The following XG variants were observed in gnomAD, a reference collection of about 807,000 sequenced individuals.
XG encodes Xg glycoprotein (Xg blood group).
A neutral mutation model predicts 25.7 loss-of-function variants in XG; 24 were observed. The observed-to-expected ratio is 0.93, with a 90% CI of 0.68 to 1.31. The LOEUF is 1.31. Among genes scored for constraint, XG ranks in the 40% most tolerant of loss-of-function variants. The pLI is 0.00. For missense variants in XG, 181 were observed against 187.6 expected (o/e 0.96, Z 0.21); for synonymous variants, 77 against 69.2 (o/e 1.11, Z -0.56).
chrX:2,780,748 C>G (rs189400617), intron 3 of XG, among the ~76,000 whole-genome samples: 50 of 151,730 alleles, frequency 3.3e-4, no homozygotes, highest in Admixed American at 1.2e-3. Flanking sequence ...ATATTGGTTC[C>G]GTCTGGAAAG....
intron 1 of XG, among the ~76,000 whole-genome samples, chrX:2,764,452 A>G (rs926863974): frequency 3.3e-5 from 5 of 152,150 alleles, no homozygotes; most frequent in African/African-American, 4.8e-5. Flanking sequence ...GTTCAGTCAC[A>G]AGAACCATTA....
chrX:2,791,579 C>T (rs909236179), intron 5 of XG, among the ~76,000 whole-genome samples: 7 of 109,664 alleles, frequency 6.4e-5, no homozygotes, highest in African/African-American at 2.3e-4. Flanking sequence ...GTGGTTCCTC[C>T]CTCTGCATTC....
chrX:2,811,493 CTGATTT>C, intron 10 of XG, 41 bp downstream of exon 10: 2 of 968,114 alleles, frequency 2.1e-6, no homozygotes, highest in Admixed American at 7.4e-5. Context: ...GTTACTAAGC[CTGATTT>C]AAAAAAAAAA....
chrX:2,769,160 G>C (rs1181935055), intron 1 of XG, among the ~76,000 whole-genome samples: 2 of 152,232 alleles, frequency 1.3e-5, no homozygotes, highest in Non-Finnish European at 2.9e-5. Flanking sequence ...CATCTGACTG[G>C]AGCCATGCCA....
At chrX:2,796,717 T>C (rs2086889803) in intron 6 of XG, among the ~76,000 whole-genome samples, 1 of 111,524 alleles carries the variant, frequency 9.0e-6, no homozygotes, top group African/African-American at 3.3e-5. Context: ...CTGGCCTGTT[T>C]AGTTCTGCAA....
chrX:2,762,426 A>G (rs2050585476), intron 1 of XG, among the ~76,000 whole-genome samples: 1 of 152,016 alleles, frequency 6.6e-6, no homozygotes, highest in Non-Finnish European at 1.5e-5. Context: ...TGGAGGGTTC[A>G]TGGGTTCCGA....
At chrX:2,769,839 G>A (rs765679504) in intron 1 of XG, among the ~76,000 whole-genome samples, 1 of 152,280 alleles carries the variant, frequency 6.6e-6, no homozygotes, top group East Asian at 1.9e-4. Context: ...TAGGCTAGCT[G>A]CTATAACAAA....
At chrX:2,768,027 G>A (rs756195753) in intron 1 of XG, among the ~76,000 whole-genome samples, 26 of 152,234 alleles carry the variant, frequency 1.7e-4, no homozygotes, top group African/African-American at 6.3e-4. Context: ...AGGAGCCTCC[G>A]CTGCAACCTG....
intron 7 of XG, among the ~76,000 whole-genome samples, chrX:2,800,131 T>C (rs1239698146): frequency 2.7e-5 from 3 of 111,644 alleles, no homozygotes; most frequent in Admixed American, 9.6e-5. Flanking sequence ...GCTCAGAGCA[T>C]GGCCCCAAAT....
chrX:2,753,871 C>T (rs770603530), intron 1 of XG, among the ~76,000 whole-genome samples: 11 of 152,162 alleles, frequency 7.2e-5, no homozygotes, highest in Admixed American at 2.0e-4. Context: ...CCACCATGCC[C>T]GGCCCCATAC....
chrX:2,765,046 A>G (rs2050647376), intron 1 of XG, among the ~76,000 whole-genome samples: 3 of 133,116 alleles, frequency 2.3e-5, no homozygotes, highest in East Asian at 2.5e-4. Flanking sequence ...TTATCCAAAA[A>G]AAAAAAAAAA....
At chrX:2,763,840 C>G (rs1052416631) in intron 1 of XG, among the ~76,000 whole-genome samples, 11 of 152,136 alleles carry the variant, frequency 7.2e-5, no homozygotes, top group African/African-American at 2.4e-4. Context: ...CGCTGCAATC[C>G]CAATGGCGGT....
In XG at chrX:2,789,294, A is replaced by G. The variant is rs183718248; in HGVS notation, c.191-350A>G. On this transcript the variant is annotated intron_variant, in intron 4 of 10. Coordinates refer to ENST00000644266, the MANE Select transcript of XG (RefSeq NM_001141919.2). ...CTCAAGCAAGATGGAAATACAACACACTATCAAAAGGTCAGATGTTTCATC... is the reference window on the plus strand; with the variant it reads ...CTCAAGCAAGATGGAAATACAACACGCTATCAAAAGGTCAGATGTTTCATC... Among the ~76,000 whole-genome samples the G allele has an allele frequency of 6.0e-3, 668 of 111,913 alleles. 4 individuals carry two copies. Among genetic ancestry groups the G allele is most frequent in the African/African-American group, 0.021 (653 of 30,875 alleles).
At chrX:2,770,200 G>A (rs2050786288) in intron 1 of XG, among the ~76,000 whole-genome samples, 1 of 152,042 alleles carries the variant, frequency 6.6e-6, no homozygotes, top group East Asian at 1.9e-4. Context: ...CATGCTCAAT[G>A]AAAGAAGCCA....
chrX:2,756,593 A>G (rs1410214543), intron 1 of XG, among the ~76,000 whole-genome samples: 2 of 151,854 alleles, frequency 1.3e-5, no homozygotes, highest in Non-Finnish European at 2.9e-5. Flanking sequence ...TCAATTAAAA[A>G]TAAATTAAAA....
At chrX:2,767,980 T>C (rs978375919) in intron 1 of XG, among the ~76,000 whole-genome samples, 8 of 152,132 alleles carry the variant, frequency 5.3e-5, no homozygotes, top group African/African-American at 1.7e-4. Context: ...CCAATTCCTG[T>C]CATCTCTCAG....
rs67528439 is a variant in XG, at chrX:2,815,800, T to TACACACACACACACACACACACAC, written c.*1442_*1443insACACACACACACACACACACACAC. 101 of 57,064 alleles carry TACACACACACACACACACACACAC rather than the reference T, an allele frequency of 1.8e-3. No individual in the cohort carries two copies. The highest frequency in any genetic ancestry group is 4.2e-3 in the African/African-American group (96 of 22,763). 4.7% of individuals were successfully genotyped at this position (57,064 alleles called of 1,213,427 possible). A position where few individuals can be genotyped will look rare whatever the true frequency, so the allele number is the denominator to read the frequency against. ...TTGTGAAAAAACCTGTGTTTTTAGT[T>TACACACACACACACACACACACAC]ACACACACACACACACACACACCTA... On this transcript the variant is annotated 3_prime_UTR_variant, in exon 11 of 11. Coordinates refer to ENST00000644266, the MANE Select transcript of XG (RefSeq NM_001141919.2).
chrX:2,767,986 C>T (rs1455010834), intron 1 of XG, among the ~76,000 whole-genome samples: 2 of 152,208 alleles, frequency 1.3e-5, no homozygotes, highest in African/African-American at 4.8e-5. Context: ...CCTGTCATCT[C>T]TCAGGGTCAT....
chrX:2,775,385 A>C (rs1337287641), intron 3 of XG, among the ~76,000 whole-genome samples: 2 of 152,232 alleles, frequency 1.3e-5, no homozygotes, highest in Non-Finnish European at 2.9e-5. Context: ...ACAAATGATC[A>C]CATAATGTAT....
Sources: gnomAD v4.1 joint callset for allele counts (sites outside exome capture counted in the v4.1 genomes callset) on GRCh38, gnomAD v4.1.1 for gene constraint, MANE v1.5 for transcripts, NCBI Gene and HGNC (gene_info 2026-07-23, HGNC 2026-07-21) for gene names.